The following BIRC6 variants were observed in gnomAD, a reference collection of about 807,000 sequenced individuals.
BIRC6 encodes baculoviral IAP repeat containing 6, also known as dual E2 ubiquitin-conjugating enzyme/E3 ubiquitin-protein ligase BIRC6.
A neutral mutation model predicts 503.3 loss-of-function variants in BIRC6; 98 were observed. That is an observed-to-expected ratio of 0.19 (90% CI 0.17 to 0.23). BIRC6 has a LOEUF of 0.23. Among genes scored for constraint, BIRC6 ranks in the 10% least tolerant of loss-of-function variants. BIRC6 has a pLI of 1.00. For missense variants in BIRC6, 5,360 were observed against 5,806.0 expected (o/e 0.92, Z 2.50); for synonymous variants, 2,240 against 2,078.7 (o/e 1.08, Z -2.11).
intron 61 of BIRC6, among the ~76,000 whole-genome samples, chr2:32,536,500 C>T (rs976940865): frequency 6.6e-6 from 1 of 152,148 alleles, no homozygotes; most frequent in Non-Finnish European, 1.5e-5. Context: ...GTAAAGAAGG[C>T]ATCCAGTTTC....
chr2:32,537,857 T>G (rs1039559125), intron 61 of BIRC6, among the ~76,000 whole-genome samples: 1 of 151,842 alleles, frequency 6.6e-6, no homozygotes, highest in Non-Finnish European at 1.5e-5. Context: ...TCCCAGCTAC[T>G]CTGGAGGCTG....
chr2:32,510,626 A>G lies in BIRC6; in HGVS notation c.10338A>G (p.Thr3446=), dbSNP rs1333330798. The G allele has an allele frequency of 6.3e-7, 1 of 1,576,622 alleles. No homozygotes were observed. The highest frequency in any genetic ancestry group is 8.7e-7 in the Non-Finnish European group (1 of 1,146,286). The change falls in exon 53 of 74, where the codon ACA becomes ACG. Residue 3446 remains threonine, a synonymous_variant. Coordinates refer to ENST00000421745, the MANE Select transcript of BIRC6 (RefSeq NM_016252.4). ...YQLGTTQDPG[T]KDRIQALLKW... is the part of the protein sequence containing the mutation. ...TTGGAACAACTCAGGATCCTGGTAC[A>G]AAAGACAGGTACGATTTTATTTTTC...
At chr2:32,365,037 T>C (rs1396480824) in intron 1 of BIRC6, among the ~76,000 whole-genome samples, 1 of 152,214 alleles carries the variant, frequency 6.6e-6, no homozygotes, top group Non-Finnish European at 1.5e-5. Flanking sequence ...AGATGTCTTA[T>C]GAATGCATTT....
chr2:32,397,655 T>C (rs1015730768), intron 6 of BIRC6, among the ~76,000 whole-genome samples: 35 of 138,222 alleles, frequency 2.5e-4, no homozygotes, highest in East Asian at 4.3e-4. Context: ...CACACACACA[T>C]ATATGTGTAT....
At chr2:32,420,033 G>A (rs945343116) in intron 10 of BIRC6, among the ~76,000 whole-genome samples, 32 of 152,234 alleles carry the variant, frequency 2.1e-4, no homozygotes, top group African/African-American at 7.0e-4. Context: ...TCAACTTTGC[G>A]TTCCTGGGAT....
chr2:32,535,033 A>C lies in BIRC6; in HGVS notation c.12291+3482A>C, dbSNP rs529547752. Among the ~76,000 whole-genome samples, 4 of 151,378 alleles carry C rather than the reference A, an allele frequency of 2.6e-5. No homozygotes were observed. In the Middle Eastern group the frequency reaches 0.014, roughly 515 times the overall value. On this transcript the variant is annotated intron_variant, in intron 61 of 73. Transcript: ENST00000421745. The stretch of plus-strand genomic sequence containing the variant: ...TGGTTAAAAACAAAGACAGCTGGCC[A>C]CTGCAGTGCATCTCTGAAATCCCAG...
At chr2:32,615,210 C>G (rs2063154277) in intron 73 of BIRC6, among the ~76,000 whole-genome samples, 1 of 152,178 alleles carries the variant, frequency 6.6e-6, no homozygotes, top group African/African-American at 2.4e-5. Context: ...ACCTCCAACA[C>G]AGGGATTACA....
At chr2:32,617,655 A>G in intron 73 of BIRC6, 70 bp from the exon 74 acceptor site, 3 of 1,459,830 alleles carry the variant, frequency 2.1e-6, no homozygotes, top group Admixed American at 2.1e-5. Context: ...GTTGAAATTC[A>G]GTTCCTGCCT....
At chr2:32,404,528 G>T (rs1391641641) in intron 8 of BIRC6, among the ~76,000 whole-genome samples, 1 of 152,016 alleles carries the variant, frequency 6.6e-6, no homozygotes, top group African/African-American at 2.4e-5. Flanking sequence ...TGGCCAGGCT[G>T]GTCTCAAACT....
At chr2:32,470,017 A>G in intron 30 of BIRC6, 151 bp from the exon 31 acceptor site, 1 of 669,920 alleles carries the variant, frequency 1.5e-6, no homozygotes, top group Non-Finnish European at 2.2e-6. Flanking sequence ...ACCTCCAGAT[A>G]CAAATCTTGC....
rs140979931 is a variant in BIRC6, at chr2:32,608,334, A to G, written c.14259+691A>G. Among the ~76,000 whole-genome samples the G allele has an allele frequency of 3.2e-4, 49 of 152,048 alleles. 1 individual carries two copies. The East Asian group carries it at 8.7e-3, about 27-fold the overall frequency. Reference sequence around the variant, plus strand: ...GTACAGATGAAGTATAAAACTATCTATATTCTAAAAGACATCTGACTAAAT... The same window carrying G: ...GTACAGATGAAGTATAAAACTATCTGTATTCTAAAAGACATCTGACTAAAT... On this transcript the variant is annotated intron_variant, in intron 72 of 73. Transcript: ENST00000421745.
At chr2:32,517,648 G>A (rs1455954811) in intron 55 of BIRC6, among the ~76,000 whole-genome samples, 1 of 152,102 alleles carries the variant, frequency 6.6e-6, no homozygotes, top group African/African-American at 2.4e-5. Flanking sequence ...CAATCAGTGA[G>A]CCGTGGCTCA....
intron 66 of BIRC6, among the ~76,000 whole-genome samples, chr2:32,585,245 G>C (rs1198336424): frequency 6.6e-6 from 1 of 152,158 alleles, no homozygotes; most frequent in Non-Finnish European, 1.5e-5. Flanking sequence ...CATACCGATT[G>C]TGAGGACTCA....
At chr2:32,507,651 G>A (rs567014555) in intron 50 of BIRC6, among the ~76,000 whole-genome samples, 1 of 152,194 alleles carries the variant, frequency 6.6e-6, no homozygotes, top group Admixed American at 6.5e-5. Context: ...AAATAGAAAT[G>A]ATGACATAAT....
At chr2:32,455,728 T>A (rs773059237) in intron 23 of BIRC6, among the ~76,000 whole-genome samples, 2 of 152,240 alleles carry the variant, frequency 1.3e-5, no homozygotes, top group Non-Finnish European at 2.9e-5. Context: ...AAGGTTAGGT[T>A]TGAAAAAGTT....
chr2:32,418,425 A>G (rs898573902), intron 10 of BIRC6, among the ~76,000 whole-genome samples: 1 of 152,226 alleles, frequency 6.6e-6, no homozygotes, highest in Non-Finnish European at 1.5e-5. Flanking sequence ...TAGAGCTAAT[A>G]AATGTCAGAG....
At chr2:32,477,017 A>G (rs72867287) in intron 34 of BIRC6, among the ~76,000 whole-genome samples, 4,759 of 152,260 alleles carry the variant, frequency 0.031, 164 homozygotes, top group African/African-American at 0.089. Flanking sequence ...TTGATGTTAT[A>G]TTAGTTTTCT....
intron 66 of BIRC6, among the ~76,000 whole-genome samples, chr2:32,581,823 T>A (rs1181792036): frequency 6.6e-6 from 1 of 152,172 alleles, no homozygotes; most frequent in Non-Finnish European, 1.5e-5. Flanking sequence ...CATGTAAAAT[T>A]GTGCAACAAT....
At chr2:32,582,537 G>A (rs766428752) in intron 66 of BIRC6, among the ~76,000 whole-genome samples, 7 of 152,176 alleles carry the variant, frequency 4.6e-5, no homozygotes, top group Non-Finnish European at 7.3e-5. Flanking sequence ...GCCGAGGCAG[G>A]TGGATCACCT....
Sources: allele counts gnomAD v4.1 joint callset (sites outside exome capture counted in the v4.1 genomes callset), GRCh38; gene constraint gnomAD v4.1.1; transcripts MANE v1.5; gene names NCBI Gene and HGNC (gene_info 2026-07-23, HGNC 2026-07-21).